DGKB: variants seen among roughly 807,000 people sequenced by gnomAD.
DGKB encodes 90 kDa diacylglycerol kinase.
DGKB carries 67 observed loss-of-function variants against 114.3 expected under a neutral mutation model. The observed-to-expected ratio is 0.59, with a 90% CI of 0.48 to 0.72. The LOEUF (loss-of-function observed/expected upper bound fraction) is 0.72, where lower values mean the gene tolerates loss of function less well. DGKB is among the 30% of genes least tolerant of loss of function. The pLI is 0.00. For synonymous variants in DGKB, 398 were observed against 323.1 expected (o/e 1.23, Z -2.49); for missense variants, 907 against 975.2 (o/e 0.93, Z 0.93).
intron 23 of DGKB, among the ~76,000 whole-genome samples, chr7:14,316,085 C>G (rs909488004): frequency 0.018 from 2,633 of 150,214 alleles, 41 homozygotes; most frequent in Non-Finnish European, 0.029. Flanking sequence ...TTGAAACCAA[C>G]GAGAACAAAG....
intron 1 of DGKB, among the ~76,000 whole-genome samples, chr7:14,918,834 G>T (rs1269391779): frequency 6.6e-6 from 1 of 151,988 alleles, no homozygotes; most frequent in East Asian, 1.9e-4. Flanking sequence ...GGAGGCCGAG[G>T]GGGGCGGATC....
At chr7:14,729,429 A>G (rs1036242245) in intron 5 of DGKB, among the ~76,000 whole-genome samples, 5 of 152,214 alleles carry the variant, frequency 3.3e-5, no homozygotes, top group African/African-American at 1.2e-4. Flanking sequence ...TCACTGATGT[A>G]TCCCTAACAA....
At chr7:14,468,867 T>C (rs1457389756) in intron 21 of DGKB, among the ~76,000 whole-genome samples, 3 of 152,060 alleles carry the variant, frequency 2.0e-5, no homozygotes, top group South Asian at 2.1e-4. Flanking sequence ...TGTGTGTATA[T>C]AAAATTTTTG....
Position 14,261,003 on chromosome 7 carries a change from C to T in DGKB, c.2122+77512G>A, listed in dbSNP as rs151158517. ...TTTATTCACTAAGTGTGTCTAGTAG[C>T]TCACTTGATCAAATTAGCTGAATAA... On this transcript the variant is annotated intron_variant, in intron 23 of 25. Transcript: ENST00000402815. Among the ~76,000 whole-genome samples, 22 of 152,198 alleles carry T rather than the reference C, an allele frequency of 1.4e-4. No individual in the cohort carries two copies. The East Asian group carries it at 4.2e-3, about 29-fold the overall frequency.
intron 22 of DGKB, among the ~76,000 whole-genome samples, chr7:14,342,105 T>C (rs1398698697): frequency 6.6e-6 from 1 of 151,878 alleles, no homozygotes; most frequent in African/African-American, 2.4e-5. Context: ...AAGAATATTG[T>C]CTTTTGAATC....
chr7:14,779,598 A>C (rs962715801), intron 2 of DGKB, among the ~76,000 whole-genome samples: 1 of 152,234 alleles, frequency 6.6e-6, no homozygotes, highest in African/African-American at 2.4e-5. Flanking sequence ...AAAAAATAAC[A>C]AAAGGTATAA....
At chr7:14,172,491 C>T (rs1031765608) in intron 25 of DGKB, among the ~76,000 whole-genome samples, 8 of 152,012 alleles carry the variant, frequency 5.3e-5, no homozygotes, top group East Asian at 1.9e-4. Flanking sequence ...TATATGGACA[C>T]GTAAATTGGA....
In DGKB at chr7:14,909,113, A is replaced by T. The variant is rs138907796; in HGVS notation, c.-188+65583T>A. 2.8e-4 allele frequency among the ~76,000 whole-genome samples: 43 copies of T among 152,318 alleles called. 1 individual carries two copies. On this transcript the variant is annotated intron_variant, in intron 1 of 4. Transcript: ENST00000437998. ...TAAATGTCCTTAAAATTTAACTCTTATGCTTTTAGCGATGGCTTTCTATTG... is the reference window on the plus strand; with the variant it reads ...TAAATGTCCTTAAAATTTAACTCTTTTGCTTTTAGCGATGGCTTTCTATTG...
chr7:14,747,676 T>C (rs1833500326), intron 4 of DGKB, among the ~76,000 whole-genome samples: 1 of 152,034 alleles, frequency 6.6e-6, no homozygotes, highest in African/African-American at 2.4e-5. Flanking sequence ...AGATCATTTA[T>C]ATGCATATCA....
chr7:14,321,640 A>C (rs1807834956), intron 23 of DGKB, among the ~76,000 whole-genome samples: 1 of 151,948 alleles, frequency 6.6e-6, no homozygotes, highest in Non-Finnish European at 1.5e-5. Context: ...AAGGGTAAAA[A>C]AAGAAGGAAT....
At chr7:14,954,535 G>T (rs559746743) in intron 1 of DGKB, among the ~76,000 whole-genome samples, 14 of 151,982 alleles carry the variant, frequency 9.2e-5, no homozygotes, top group African/African-American at 3.1e-4. Context: ...AAATAAACTC[G>T]AAAGAAACCA....
At chr7:14,337,997 T>C (rs1810979685) in intron 23 of DGKB, among the ~76,000 whole-genome samples, 1 of 152,136 alleles carries the variant, frequency 6.6e-6, no homozygotes, top group African/African-American at 2.4e-5. Flanking sequence ...TGTTACTAAC[T>C]TTCTGGAAAA....
chr7:14,778,416 T>C (rs1437747006), intron 2 of DGKB, among the ~76,000 whole-genome samples: 6 of 152,200 alleles, frequency 3.9e-5, no homozygotes, highest in Non-Finnish European at 1.5e-5. Flanking sequence ...TTTTATGTGC[T>C]ACACGCTCCA....
intron 23 of DGKB, among the ~76,000 whole-genome samples, chr7:14,187,691 T>G (rs1003111083): frequency 2.0e-5 from 3 of 152,178 alleles, no homozygotes; most frequent in Non-Finnish European, 4.4e-5. Context: ...ACACTAGGAC[T>G]TGTTTACAGG....
At chr7:14,303,918 G>A (rs1005990246) in intron 23 of DGKB, among the ~76,000 whole-genome samples, 1 of 152,046 alleles carries the variant, frequency 6.6e-6, no homozygotes, top group African/African-American at 2.4e-5. Flanking sequence ...AGGAGAGAAA[G>A]CTAACAGGTT....
chr7:14,826,031 T>C (rs1381391773), intron 2 of DGKB, among the ~76,000 whole-genome samples: 1 of 152,186 alleles, frequency 6.6e-6, no homozygotes, highest in African/African-American at 2.4e-5. Flanking sequence ...TCCTTACTGC[T>C]GCTGCCTGAG....
intron 13 of DGKB, among the ~76,000 whole-genome samples, chr7:14,667,062 C>T (rs142771268): frequency 3.4e-4 from 52 of 152,064 alleles, no homozygotes; most frequent in African/African-American, 1.2e-3. Flanking sequence ...TCTGTGAAAG[C>T]CGTTTGTAAT....
intron 23 of DGKB, among the ~76,000 whole-genome samples, chr7:14,184,585 C>T (rs1248464698): frequency 6.6e-6 from 1 of 152,018 alleles, no homozygotes; most frequent in Non-Finnish European, 1.5e-5. Flanking sequence ...CAGGGACCTG[C>T]AAATCTCATC....
intron 16 of DGKB, among the ~76,000 whole-genome samples, chr7:14,610,432 C>T (rs921063304): frequency 4.6e-5 from 7 of 152,016 alleles, no homozygotes; most frequent in Non-Finnish European, 7.4e-5. Flanking sequence ...TTGGGTACTA[C>T]GCTTGCTACC....
Sources: allele counts gnomAD v4.1 joint callset (sites outside exome capture counted in the v4.1 genomes callset), GRCh38; gene constraint gnomAD v4.1.1; transcripts MANE v1.5; gene names NCBI Gene and HGNC (gene_info 2026-07-23, HGNC 2026-07-21).